The following CNTNAP3B variants were observed in gnomAD, a reference collection of about 807,000 sequenced individuals.
CNTNAP3B encodes the protein contactin associated protein family member 3B.
Under a neutral mutation model 108.9 loss-of-function variants are expected in CNTNAP3B, and 25 were observed. The observed-to-expected ratio is 0.23, with a 90% CI of 0.17 to 0.32. The LOEUF (loss-of-function observed/expected upper bound fraction) is 0.32, where lower values mean the gene tolerates loss of function less well. CNTNAP3B is among the 10% of genes least tolerant of loss of function. The pLI is 1.00. For synonymous variants in CNTNAP3B, 103 were observed against 473.4 expected (o/e 0.22, Z 10.16); for missense variants, 252 against 1,210.4 (o/e 0.21, Z 11.75).
At chr9:42,111,891 C>A (rs1291612565) in intron 1 of CNTNAP3B, among the ~76,000 whole-genome samples, 1 of 138,754 alleles carries the variant, frequency 7.2e-6, no homozygotes, top group African/African-American at 2.9e-5. Context: ...ACACACACAC[C>A]TTACATATCA....
At chr9:41,920,876 C>T (rs1369631097) in intron 17 of CNTNAP3B, among the ~76,000 whole-genome samples, 3 of 152,304 alleles carry the variant, frequency 2.0e-5, no homozygotes, top group African/African-American at 4.8e-5. Context: ...GGATCTCCTC[C>T]TCTCAGAGGG....
intron 1 of CNTNAP3B, among the ~76,000 whole-genome samples, chr9:42,105,666 G>A (rs544380747): frequency 1.3e-4 from 11 of 84,972 alleles, no homozygotes; most frequent in South Asian, 4.2e-4. Flanking sequence ...TTTCCTATGC[G>A]TAGCCATGGG....
chr9:41,980,048 T>A (rs1825599024), intron 9 of CNTNAP3B: 1 of 85,764 alleles, frequency 1.2e-5, no homozygotes, highest in African/African-American at 5.6e-5. Context: ...GTATCAGCTT[T>A]TAATCATCAC....
rs1490140604 is a variant in CNTNAP3B, at chr9:42,094,432, A to C, written c.196+10197T>G. ...CATTTTGGGAAGCTGAGGTGGCTGG[A>C]CTGCTTGAGCCCAGGAATTCAAGAC... On this transcript the variant is annotated intron_variant, in intron 2 of 23. Coordinates refer to ENST00000377561, the MANE Select transcript of CNTNAP3B (RefSeq NM_001201380.3). Among the ~76,000 whole-genome samples, 25 of 128,232 alleles carry C rather than the reference A, an allele frequency of 1.9e-4. 2 individuals are homozygous for C. The highest frequency in any genetic ancestry group is 3.4e-4 in the Non-Finnish European group (21 of 61,542). The allele number at this position is 128,232 out of a possible 152,430, so 84.1% of individuals were successfully genotyped here. A position where few individuals can be genotyped will look rare whatever the true frequency, so the allele number is the denominator to read the frequency against.
intron 3 of CNTNAP3B, among the ~76,000 whole-genome samples, chr9:42,063,823 G>A (rs1827216096): frequency 6.7e-6 from 1 of 148,912 alleles, no homozygotes; most frequent in African/African-American, 2.5e-5. Flanking sequence ...CTGGGCTCAA[G>A]CGACTCTCCC....
chr9:42,098,582 C>CAAA (rs372891017), intron 2 of CNTNAP3B, among the ~76,000 whole-genome samples: 2 of 32,428 alleles, frequency 6.2e-5, no homozygotes, highest in African/African-American at 1.4e-4. Flanking sequence ...GACTCTGTCT[C>CAAA]AAAAAAAAAA....
At chr9:42,078,939 C>T (rs1443266896) in intron 2 of CNTNAP3B, among the ~76,000 whole-genome samples, 7 of 151,496 alleles carry the variant, frequency 4.6e-5, no homozygotes, top group South Asian at 4.2e-4. Flanking sequence ...GAACACTTAT[C>T]GAGCATTTGA....
chr9:42,060,121 T>A (rs1252535336), intron 3 of CNTNAP3B, among the ~76,000 whole-genome samples: 1 of 142,468 alleles, frequency 7.0e-6, no homozygotes, highest in Non-Finnish European at 1.5e-5. Flanking sequence ...GGAAGAGTTT[T>A]CAACTTTTCA....
chr9:42,115,194 G>GA lies in CNTNAP3B; in HGVS notation c.86-10456dup, dbSNP rs1178957763. On this transcript the variant is annotated intron_variant, in intron 1 of 23. Transcript: ENST00000377561. Reference sequence around the variant, plus strand: ...AAAGAGATTTTTTGTATACTCATAAGAAAAAACAGAAGAAGCTGCACTCTT... The same window carrying GA: ...AAAGAGATTTTTTGTATACTCATAAGAAAAAAACAGAAGAAGCTGCACTCTT... 3.6e-5 allele frequency among the ~76,000 whole-genome samples: 5 copies of GA among 139,088 alleles called. 2 individuals carry two copies. The highest frequency in any genetic ancestry group is 4.6e-5 in the Non-Finnish European group (3 of 64,876). 91.2% of individuals were successfully genotyped at this position (139,088 alleles called of 152,430 possible). A position where few individuals can be genotyped will look rare whatever the true frequency, so the allele number is the denominator to read the frequency against.
chr9:41,994,734 T>C lies in CNTNAP3B; in HGVS notation c.1071+1471A>G, dbSNP rs565869789. On this transcript the variant is annotated intron_variant, in intron 7 of 23. Transcript: ENST00000377561. ...CATTGTGTGGTCTGGTGACACACAG[T>C]CAGAGATATTTTCAGGTTTTGGTCC... 1,572 of 314,692 alleles carry C rather than the reference T, an allele frequency of 5.0e-3. 14 individuals are homozygous for C. The Admixed American group carries it at 0.071, about 14-fold the overall frequency. 19.5% of individuals were successfully genotyped at this position (314,692 alleles called of 1,614,324 possible).
chr9:42,056,095 A>T (rs1439536913), intron 3 of CNTNAP3B, among the ~76,000 whole-genome samples: 1 of 126,154 alleles, frequency 7.9e-6, no homozygotes, highest in African/African-American at 3.2e-5. Flanking sequence ...TTTTAACCTG[A>T]GCATTATGCT....
intron 13 of CNTNAP3B, among the ~76,000 whole-genome samples, chr9:41,942,057 C>A (rs1480333240): frequency 8.5e-5 from 13 of 152,110 alleles, no homozygotes; most frequent in African/African-American, 2.7e-4. Context: ...ATGGAAATAC[C>A]CAGAACCAGC....
intron 4 of CNTNAP3B, among the ~76,000 whole-genome samples, chr9:42,003,632 TA>T (rs1183346873): frequency 8.3e-6 from 1 of 119,934 alleles, no homozygotes; most frequent in Non-Finnish European, 1.7e-5. Context: ...ATGGGCAAAT[TA>T]CAGAGGTTTA....
chr9:42,024,793 G>A (rs1296949497), intron 3 of CNTNAP3B, among the ~76,000 whole-genome samples: 1 of 145,198 alleles, frequency 6.9e-6, no homozygotes, highest in Non-Finnish European at 1.5e-5. Context: ...ACACTAGTTT[G>A]CACCGTTTGC....
At chr9:42,108,879 C>A (rs1394986892) in intron 1 of CNTNAP3B, among the ~76,000 whole-genome samples, 1 of 140,216 alleles carries the variant, frequency 7.1e-6, no homozygotes, top group Non-Finnish European at 1.5e-5. Context: ...GGGACAGAAA[C>A]CATTTCTTAG....
intron 10 of CNTNAP3B, among the ~76,000 whole-genome samples, chr9:41,968,774 T>A (rs1411175821): frequency 7.0e-6 from 1 of 143,584 alleles, no homozygotes; most frequent in African/African-American, 2.7e-5. Flanking sequence ...AGGCAGGTTT[T>A]GAAAGTTCTA....
rs1178052479 is a variant in CNTNAP3B at position 41,961,091 on chromosome 9, G to GA, written c.1757-200dup. 1.4e-4 allele frequency among the ~76,000 whole-genome samples: 22 copies of GA among 152,402 alleles called. No individual in the cohort carries two copies. The East Asian group carries it at 3.5e-3, about 24-fold the overall frequency. On this transcript the variant is annotated intron_variant, in intron 11 of 23. Transcript: ENST00000377561. ...TAAATCTATTTTTATTAACAAAGGA[G>GA]AAAAAAATTACCTAGTCAAAATACA... is the stretch of plus-strand genomic sequence containing the variant.
At position 41,937,105 on chromosome 9, in the gene CNTNAP3B, A is replaced by ATTT. The variant is rs1415765485; in HGVS notation, c.2237+1136_2237+1138dup. ...ACCTGGAATGACCATTACATTTTTT[A>ATTT]TTTATTAATTTATTATTATTATTAT... On this transcript the variant is annotated intron_variant, in intron 14 of 23. Coordinates refer to ENST00000377561, the MANE Select transcript of CNTNAP3B (RefSeq NM_001201380.3). Among the ~76,000 whole-genome samples, 19 of 109,742 alleles carry ATTT rather than the reference A, an allele frequency of 1.7e-4. 1 individual carries two copies. Among genetic ancestry groups the ATTT allele is most frequent in the African/African-American group, 6.4e-4 (19 of 29,916 alleles). 72.0% of individuals were successfully genotyped at this position (109,742 alleles called of 152,430 possible).
chr9:41,970,969 T>C (rs1825417886), intron 9 of CNTNAP3B, among the ~76,000 whole-genome samples: 1 of 151,370 alleles, frequency 6.6e-6, no homozygotes. Context: ...TCCAGAATGT[T>C]CTATGAATAG....
Sources: allele counts gnomAD v4.1 joint callset (sites outside exome capture counted in the v4.1 genomes callset), GRCh38; gene constraint gnomAD v4.1.1; transcripts MANE v1.5; gene names NCBI Gene and HGNC (gene_info 2026-07-23, HGNC 2026-07-21).